Variants in PANK2 observed in about 807,000 individuals in gnomAD.
The protein encoded by PANK2 is pantothenate kinase 2, mitochondrial.
Under a neutral mutation model 43.1 loss-of-function variants are expected in PANK2, and 36 were observed. The observed-to-expected ratio is 0.84, with a 90% confidence interval of 0.64 to 1.10. PANK2 has a LOEUF of 1.10. PANK2 is among the 50% of genes least tolerant of loss of function. The pLI is 0.00. For missense variants in PANK2, 576 were observed against 593.3 expected (o/e 0.97, Z 0.30); for synonymous variants, 281 against 238.2 (o/e 1.18, Z -1.66).
chr20:3,909,580 A>G (rs1231292199), intron 2 of PANK2, among the ~76,000 whole-genome samples: 1 of 151,830 alleles, frequency 6.6e-6, no homozygotes, highest in African/African-American at 2.4e-5. Context: ...TCAGAACATA[A>G]AGATCCTCTT....
chr20:3,889,816 C>G, intron 1 of PANK2, 88 bp downstream of exon 1: 3 of 1,536,132 alleles, frequency 2.0e-6, no homozygotes, highest in Non-Finnish European at 2.6e-6. Context: ...GCCGTTTTTC[C>G]CGCGCGCGGA....
In PANK2 at chr20:3,929,256, T is replaced by TA. The variant is rs1203790894; in HGVS notation, c.*5963dup. The TA allele has an allele frequency of 6.6e-6, 1 of 152,212 alleles. No individual in the cohort carries two copies. Among genetic ancestry groups the TA allele is most frequent in the African/African-American group, 2.4e-5 (1 of 41,438 alleles). 9.4% of individuals were successfully genotyped at this position (152,212 alleles called of 1,614,324 possible). A position where few individuals can be genotyped will look rare whatever the true frequency, so the allele number is the denominator to read the frequency against. On this transcript the variant is annotated 3_prime_UTR_variant, in exon 7 of 7. Transcript: ENST00000610179. Reference sequence around the variant, plus strand: ...TCTACAAAAAAATAATTACGAAAATTAGCCAGGTGTGCTGGTGTGCACCTG... The same window carrying TA: ...TCTACAAAAAAATAATTACGAAAATTAAGCCAGGTGTGCTGGTGTGCACCTG...
intron 1 of PANK2, chr20:3,890,026 C>T (rs2090093910): frequency 9.6e-7 from 1 of 1,037,892 alleles, no homozygotes; most frequent in East Asian, 3.1e-5. Context: ...CTGAGGGTCA[C>T]ATGATTTTAT....
At chr20:3,889,924 C>G in intron 1 of PANK2, 196 bp downstream of exon 1, 2 of 1,531,776 alleles carry the variant, frequency 1.3e-6, no homozygotes, top group East Asian at 4.9e-5. Flanking sequence ...GGCCCCCCCG[C>G]ACCCATTGGT....
chr20:3,914,889 T>C (rs1330573240), intron 4 of PANK2, among the ~76,000 whole-genome samples: 8 of 152,022 alleles, frequency 5.3e-5, no homozygotes, highest in South Asian at 4.1e-4. Context: ...GGATTACAGG[T>C]GTGAGCCACT....
chr20:3,889,351 G>T (rs1419620294), upstream of PANK2: 4 of 1,585,702 alleles, frequency 2.5e-6, no homozygotes, highest in African/African-American at 1.3e-5. Flanking sequence ...GCGCGTTGGC[G>T]CAACGGAAGA....
intron 1 of PANK2, among the ~76,000 whole-genome samples, chr20:3,904,218 C>T (rs2090350422): frequency 6.6e-6 from 1 of 151,680 alleles, no homozygotes; most frequent in East Asian, 1.9e-4. Flanking sequence ...TAGTTTGTCC[C>T]TTTTTTTTGG....
In PANK2 at chr20:3,925,608, C is replaced by A. The variant is rs1237743728; in HGVS notation, c.*2314C>A. On this transcript the variant is annotated 3_prime_UTR_variant, in exon 7 of 7. Transcript: ENST00000610179. ...TGGCATTCATTTCACAGCCTCATCT[C>A]AGTTCTCACTCAGCAGAGCCCTCTT... The A allele has an allele frequency of 1.3e-5, 2 of 152,268 alleles. No individual in the cohort carries two copies. Among genetic ancestry groups the A allele is most frequent in the African/African-American group, 2.4e-5 (1 of 41,440 alleles). 9.4% of individuals were successfully genotyped at this position (152,268 alleles called of 1,614,324 possible).
rs994779421 is a variant in PANK2 at position 3,926,398 on chromosome 20, A to C, written c.*3104A>C. 6.6e-6 allele frequency: 1 copy of C among 152,170 alleles called. No individual in the cohort carries two copies. The highest frequency in any genetic ancestry group is 2.4e-5 in the African/African-American group (1 of 41,426). The allele number at this position is 152,170 out of a possible 1,614,324, so 9.4% of individuals were successfully genotyped here. On this transcript the variant is annotated 3_prime_UTR_variant, in exon 7 of 7. Coordinates refer to ENST00000610179, the MANE Select transcript of PANK2 (RefSeq NM_001386393.1). ...TGTGGCTCAGGGGACTGAGAAGAGG[A>C]GCTCTCTAGGCATCTGAATTGAGGT...
At chr20:3,897,621 G>A (rs2090230885) in intron 1 of PANK2, among the ~76,000 whole-genome samples, 2 of 152,122 alleles carry the variant, frequency 1.3e-5, no homozygotes, top group South Asian at 4.1e-4. Context: ...GAGCCAGGGA[G>A]GTTGAGGCTG....
rs1362330890 is a variant in PANK2, at chr20:3,924,429, G to A, written c.*1135G>A. ...TTAAGGCTGTGGTCAGGGAGGGATG[G>A]GCAGGGTGCCAGCCGCATGGAGGCA... On this transcript the variant is annotated 3_prime_UTR_variant, in exon 7 of 7. Coordinates refer to ENST00000610179, the MANE Select transcript of PANK2 (RefSeq NM_001386393.1). 3 of 152,370 alleles carry A rather than the reference G, an allele frequency of 2.0e-5. No homozygotes were observed. Among genetic ancestry groups the A allele is most frequent in the Admixed American group, 6.5e-5 (1 of 15,280 alleles). 9.4% of individuals were successfully genotyped at this position (152,370 alleles called of 1,614,324 possible). A position where few individuals can be genotyped will look rare whatever the true frequency, so the allele number is the denominator to read the frequency against.
At chr20:3,917,855 G>A (rs2090586980) in intron 5 of PANK2, among the ~76,000 whole-genome samples, 1 of 151,964 alleles carries the variant, frequency 6.6e-6, no homozygotes, top group Non-Finnish European at 1.5e-5. Context: ...CTGTGCTTAC[G>A]TATTTTCAGA....
intron 6 of PANK2, chr20:3,921,454 A>G (rs1600580274): frequency 6.6e-6 from 1 of 152,038 alleles, no homozygotes; most frequent in East Asian, 1.9e-4. Flanking sequence ...TCTTGATAGT[A>G]GCATCCTAGT....
Position 3,889,569 on chromosome 20 carries a change from G to A in PANK2, c.139G>A (p.Gly47Arg), listed in dbSNP as rs1285975338. ...GGAGCAGGCGGCCGGGGACCCCGAA[G>A]GGCGGCGGCAGGAGCCACTGCGGCG... The change falls in exon 1 of 7, where the codon GGG (glycine) becomes AGG (arginine). Residue 47 changes from glycine (G) to arginine (R), a missense_variant. Coordinates refer to ENST00000610179, the MANE Select transcript of PANK2 (RefSeq NM_001386393.1). The A allele has an allele frequency of 2.1e-6, 3 of 1,447,088 alleles. No individual in the cohort carries two copies. The highest frequency in any genetic ancestry group is 2.7e-6 in the Non-Finnish European group (3 of 1,110,194). 89.6% of individuals were successfully genotyped at this position (1,447,088 alleles called of 1,614,324 possible).
chr20:3,897,459 G>A (rs2090228014), intron 1 of PANK2, among the ~76,000 whole-genome samples: 1 of 152,160 alleles, frequency 6.6e-6, no homozygotes, highest in Admixed American at 6.6e-5. Context: ...TCAGTACTTT[G>A]GGAGGCTGAG....
intron 1 of PANK2, among the ~76,000 whole-genome samples, chr20:3,903,553 G>A (rs112772096): frequency 0.016 from 2,166 of 135,562 alleles, 67 homozygotes; most frequent in African/African-American, 0.058. Flanking sequence ...TGTAACCTCT[G>A]CCTCCTGGTT....
upstream of PANK2, chr20:3,889,285 A>G (rs1343276288): frequency 6.2e-7 from 1 of 1,608,876 alleles, no homozygotes; most frequent in Non-Finnish European, 8.5e-7. Context: ...CGAGTTAGGG[A>G]GCCGACTGGA....
intron 6 of PANK2, among the ~76,000 whole-genome samples, chr20:3,919,349 ATGCCATATTTTTGTC>A (rs2090613376): frequency 6.6e-6 from 1 of 152,132 alleles, no homozygotes; most frequent in African/African-American, 2.4e-5. Context: ...TATATTTCTG[ATGCCATATTTTTGTC>A]TGAACTATCC....
chr20:3,889,997 C>G (rs1301052832), intron 1 of PANK2: 3 of 1,342,614 alleles, frequency 2.2e-6, no homozygotes, highest in Admixed American at 2.3e-5. Flanking sequence ...CTTTTCTTAG[C>G]TCCTTGGGCA....
Sources: gnomAD v4.1 joint callset for allele counts (sites outside exome capture counted in the v4.1 genomes callset) on GRCh38, gnomAD v4.1.1 for gene constraint, MANE v1.5 for transcripts, NCBI Gene and HGNC (gene_info 2026-07-23, HGNC 2026-07-21) for gene names.